DOCK2: variants seen among roughly 807,000 people sequenced by gnomAD.
DOCK2 encodes the protein dedicator of cytokinesis 2, also known as dedicator of cytokinesis protein 2.
A neutral mutation model predicts 248.9 loss-of-function variants in DOCK2; 87 were observed. The ratio of observed to expected loss-of-function variants is 0.35; its 90% CI spans 0.29 to 0.42. The LOEUF is 0.42. DOCK2 is among the 10% of genes least tolerant of loss of function. The pLI is 1.00. For missense variants in DOCK2, 1,747 were observed against 2,300.2 expected (o/e 0.76, Z 4.92); for synonymous variants, 805 against 821.6 (o/e 0.98, Z 0.35).
intron 23 of DOCK2, among the ~76,000 whole-genome samples, chr5:169,753,948 A>G (rs909414424): frequency 2.6e-5 from 4 of 152,216 alleles, no homozygotes; most frequent in African/African-American, 7.2e-5. Flanking sequence ...TAAAAGGATT[A>G]AAAATTGAGG....
chr5:170,005,315 T>C (rs1754986176), intron 30 of DOCK2, among the ~76,000 whole-genome samples: 1 of 152,180 alleles, frequency 6.6e-6, no homozygotes, highest in Admixed American at 6.5e-5. Flanking sequence ...AATATAGCAA[T>C]TGATAAACAA....
chr5:169,759,855 C>A, intron 24 of DOCK2, 80 bp downstream of exon 24: 1 of 1,510,636 alleles, frequency 6.6e-7, no homozygotes. Flanking sequence ...TTATGGGGAG[C>A]TCCAGATGGG....
chr5:169,714,941 ATGTG>A (rs1403843846), intron 19 of DOCK2, among the ~76,000 whole-genome samples: 1 of 152,138 alleles, frequency 6.6e-6, no homozygotes, highest in Non-Finnish European at 1.5e-5. Flanking sequence ...ATATGTATGT[ATGTG>A]TGTGAGCATA....
At position 170,028,926 on chromosome 5, in the gene DOCK2, T is replaced by G. The variant is rs535968041; in HGVS notation, c.3467+978T>G. 2.0e-5 allele frequency among the ~76,000 whole-genome samples: 3 copies of G among 152,358 alleles called. No individual in the cohort carries two copies. In the South Asian group the frequency reaches 6.2e-4, roughly 32 times the overall value. Reference sequence around the variant, plus strand: ...TAATTGCCAAATAATATTTGGTAATTAAAATATTTGGTACCATATGGATGT... The same window carrying G: ...TAATTGCCAAATAATATTTGGTAATGAAAATATTTGGTACCATATGGATGT... On this transcript the variant is annotated intron_variant, in intron 34 of 51. Coordinates refer to ENST00000520908, the MANE Select transcript of DOCK2 (RefSeq NM_004946.3).
Position 169,939,503 on chromosome 5 carries a change from A to C in DOCK2, c.2800-43565A>C, listed in dbSNP as rs139024082. The stretch of plus-strand genomic sequence containing the variant: ...AAAAATATGATATAGTAAATACATA[A>C]ACCAGTAACAGTCGTTTATTATTAT... On this transcript the variant is annotated intron_variant, in intron 27 of 51. Transcript: ENST00000520908. Among the ~76,000 whole-genome samples the C allele has an allele frequency of 3.4e-3, 522 of 152,354 alleles. 5 individuals are homozygous for C. In the South Asian group the frequency reaches 0.043, roughly 13 times the overall value.
intron 22 of DOCK2, among the ~76,000 whole-genome samples, chr5:169,743,938 T>C (rs923801479): frequency 1.3e-5 from 2 of 149,606 alleles, no homozygotes; most frequent in African/African-American, 2.4e-5. Flanking sequence ...TTATTATATA[T>C]ATATATGTAC....
chr5:169,806,401 G>A (rs949004069), intron 26 of DOCK2, among the ~76,000 whole-genome samples: 1 of 151,830 alleles, frequency 6.6e-6, no homozygotes, highest in Non-Finnish European at 1.5e-5. Context: ...CTCCTGCCTT[G>A]GCCTCCCAAA....
rs1755638650 is a variant in DOCK2 at position 170,019,200 on chromosome 5, A to G, written c.3381+92A>G. ...TCCTCATTCCATCTCCCTGAGCTTC[A>G]TTGAGAGGCTCGGCGGCAGGATAGG... On this transcript the variant is annotated intron_variant, in intron 33 of 51. Transcript: ENST00000520908. 1.6e-5 allele frequency: 25 copies of G among 1,578,190 alleles called. 1 individual carries two copies. The highest frequency in any genetic ancestry group is 4.1e-4 in the Middle Eastern group (2 of 4,898).
chr5:169,963,656 AC>A (rs1777181338), intron 27 of DOCK2, among the ~76,000 whole-genome samples: 1 of 151,478 alleles, frequency 6.6e-6, no homozygotes, highest in Non-Finnish European at 1.5e-5. Flanking sequence ...ATGTTAACCC[AC>A]CCCCTCACCC....
At chr5:169,829,582 A>G (rs1416213318) in intron 26 of DOCK2, among the ~76,000 whole-genome samples, 1 of 152,324 alleles carries the variant, frequency 6.6e-6, no homozygotes, top group East Asian at 1.9e-4. Flanking sequence ...ACACGTTAGG[A>G]CCGTGTAGGT....
chr5:169,653,607 G>A (rs867314173), intron 1 of DOCK2, among the ~76,000 whole-genome samples: 5 of 152,238 alleles, frequency 3.3e-5, no homozygotes, highest in Middle Eastern at 3.4e-3. Flanking sequence ...TGTGCTGGTC[G>A]GGGAGGAGCA....
At chr5:169,826,211 A>C (rs1180385014) in intron 26 of DOCK2, among the ~76,000 whole-genome samples, 1 of 152,188 alleles carries the variant, frequency 6.6e-6, no homozygotes, top group Non-Finnish European at 1.5e-5. Flanking sequence ...TGTGATCTAA[A>C]GAAATATGAA....
At chr5:169,868,265 G>A (rs756970949) in intron 27 of DOCK2, among the ~76,000 whole-genome samples, 5 of 152,234 alleles carry the variant, frequency 3.3e-5, no homozygotes, top group Non-Finnish European at 7.3e-5. Context: ...CTTTCAAAAT[G>A]TACTTCTTAT....
chr5:169,774,353 ATCATGACAT>A lies in DOCK2; in HGVS notation c.2554+12729_2554+12737del, dbSNP rs202236579. ...CCCCAAATAATTAACTAGTTTAATT[ATCATGACAT>A]CCATGTAAAGTGTAGGTATCACTAT... is the stretch of plus-strand genomic sequence containing the variant. On this transcript the variant is annotated intron_variant, in intron 25 of 51. Transcript: ENST00000520908. 5.5e-3 allele frequency among the ~76,000 whole-genome samples: 834 copies of A among 152,372 alleles called. 6 individuals are homozygous for A. Among genetic ancestry groups the A allele is most frequent in the African/African-American group, 0.019 (791 of 41,584 alleles).
At chr5:169,840,941 C>T (rs1769923934) in intron 27 of DOCK2, 89 bp downstream of exon 27, 5 of 1,374,216 alleles carry the variant, frequency 3.6e-6, no homozygotes, top group African/African-American at 1.4e-5. Context: ...CATTGAACTC[C>T]CAGCATTGAT....
intron 2 of DOCK2, among the ~76,000 whole-genome samples, chr5:169,667,555 A>C (rs17644917): frequency 0.059 from 8,986 of 152,288 alleles, 366 homozygotes; most frequent in Non-Finnish European, 0.091. Context: ...GTTGGTGAAA[A>C]GGGGCAACTA....
intron 2 of DOCK2, among the ~76,000 whole-genome samples, chr5:169,663,114 G>A (rs772160359): frequency 2.0e-5 from 3 of 152,138 alleles, no homozygotes; most frequent in Non-Finnish European, 4.4e-5. Context: ...CAAAACAAAG[G>A]GGCTACAGGC....
chr5:169,946,342 G>A (rs1208621149), intron 27 of DOCK2, among the ~76,000 whole-genome samples: 2 of 152,210 alleles, frequency 1.3e-5, no homozygotes, highest in African/African-American at 2.4e-5. Context: ...CTCTAACTGG[G>A]CGACTGAGGG....
At chr5:170,041,768 G>A (rs989289441) in intron 37 of DOCK2, among the ~76,000 whole-genome samples, 1 of 152,120 alleles carries the variant, frequency 6.6e-6, no homozygotes, top group Non-Finnish European at 1.5e-5. Flanking sequence ...TGTCTGTTTT[G>A]GGACTTGGGA....
Sources: gnomAD v4.1 joint callset for allele counts (sites outside exome capture counted in the v4.1 genomes callset) on GRCh38, gnomAD v4.1.1 for gene constraint, MANE v1.5 for transcripts, NCBI Gene and HGNC (gene_info 2026-07-23, HGNC 2026-07-21) for gene names.